Variants in RGSL1 observed in about 807,000 individuals in gnomAD.
The protein encoded by RGSL1 is regulator of G protein signaling like 1.
RGSL1 carries 97 observed loss-of-function variants against 124.7 expected under a neutral mutation model. That is an observed-to-expected ratio of 0.78 (90% CI 0.66 to 0.92). The LOEUF is 0.92. Ranked by LOEUF, RGSL1 falls within the 40% of genes least tolerant of loss-of-function variation. The pLI is 0.00. For missense variants in RGSL1, 1,233 were observed against 1,288.4 expected (o/e 0.96, Z 0.66); for synonymous variants, 424 against 438.1 (o/e 0.97, Z 0.40).
chr1:182,519,368 G>A (rs1002102285), intron 9 of RGSL1, among the ~76,000 whole-genome samples: 8 of 152,146 alleles, frequency 5.3e-5, no homozygotes, highest in African/African-American at 1.9e-4. Flanking sequence ...AATTCTTCTT[G>A]GAGTTGTTTT....
Position 182,548,341 on chromosome 1 carries a change from C to T in RGSL1, c.2694C>T (p.Ala898=). Residue 898 remains alanine (A), a synonymous_variant, in exon 16 of 22, where the codon GCC becomes GCT. Coordinates refer to ENST00000294854, the MANE Select transcript of RGSL1 (RefSeq NM_001137669.2). ...MEKFNDLVSS[A]HMLQVNRAYN... The stretch of plus-strand genomic sequence containing the variant: ...GATTTAATGATCTGGTCAGTTCAGC[C>T]CACATGCTGCAGGTCAACCGGGCAT... 10 of 1,551,988 alleles carry T rather than the reference C, an allele frequency of 6.4e-6. No homozygotes were observed. Among genetic ancestry groups the T allele is most frequent in the Non-Finnish European group, 8.7e-6 (10 of 1,147,034 alleles).
At chr1:182,454,113 T>C in intron 2 of RGSL1, 73 bp downstream of exon 2, 1 of 877,676 alleles carries the variant, frequency 1.1e-6, no homozygotes, top group South Asian at 1.5e-5. Context: ...GCTGAGTGAC[T>C]TTTTTTGTTT....
At chr1:182,538,325 C>T (rs116371397) in intron 14 of RGSL1, among the ~76,000 whole-genome samples, 11 of 151,924 alleles carry the variant, frequency 7.2e-5, no homozygotes, top group African/African-American at 2.2e-4. Context: ...GTCAGGTGTT[C>T]GAGACCAGCC....
intron 9 of RGSL1, among the ~76,000 whole-genome samples, chr1:182,501,507 C>T (rs1202461357): frequency 6.6e-6 from 1 of 151,374 alleles, no homozygotes; most frequent in Non-Finnish European, 1.5e-5. Context: ...TTATTAGAGA[C>T]GGGGTTTCAC....
intron 9 of RGSL1, among the ~76,000 whole-genome samples, chr1:182,502,436 C>A (rs1656465278): frequency 6.6e-6 from 1 of 152,130 alleles, no homozygotes; most frequent in African/African-American, 2.4e-5. Context: ...ATTAACCAGG[C>A]ACAATGGCAC....
At chr1:182,494,756 C>T (rs760095032) in intron 9 of RGSL1, among the ~76,000 whole-genome samples, 2 of 152,126 alleles carry the variant, frequency 1.3e-5, no homozygotes, top group Admixed American at 6.5e-5. Flanking sequence ...CCTGAGGTAT[C>T]GTCATTCTCC....
At chr1:182,470,369 C>T (rs1451314223) in intron 4 of RGSL1, among the ~76,000 whole-genome samples, 1 of 152,008 alleles carries the variant, frequency 6.6e-6, no homozygotes, top group Non-Finnish European at 1.5e-5. Flanking sequence ...TCATCTCTTC[C>T]TACTTCCCTC....
At chr1:182,525,065 C>T (rs1223305403) in intron 10 of RGSL1, among the ~76,000 whole-genome samples, 1 of 152,126 alleles carries the variant, frequency 6.6e-6, no homozygotes, top group Non-Finnish European at 1.5e-5. Flanking sequence ...GGGAGATATA[C>T]TCTACAGAAC....
At chr1:182,471,413 C>A in intron 4 of RGSL1, 1 of 456,466 alleles carries the variant, frequency 2.2e-6, no homozygotes, top group South Asian at 1.6e-5. Context: ...GTTCCTGGGG[C>A]TTTTGCAAGT....
At chr1:182,490,387 A>C (rs1186221332) in intron 8 of RGSL1, among the ~76,000 whole-genome samples, 1 of 152,198 alleles carries the variant, frequency 6.6e-6, no homozygotes, top group Non-Finnish European at 1.5e-5. Context: ...TGCTAAGTAA[A>C]TGGTACTTGT....
intron 14 of RGSL1, 88 bp downstream of exon 14, chr1:182,532,879 A>G (rs1659279639): frequency 2.1e-6 from 3 of 1,399,272 alleles, no homozygotes; most frequent in East Asian, 2.6e-5. Context: ...GCTTTGTGTC[A>G]TGCCTGCGGC....
At chr1:182,515,532 G>A (rs1410857299) in intron 9 of RGSL1, among the ~76,000 whole-genome samples, 5 of 97,268 alleles carry the variant, frequency 5.1e-5, no homozygotes, top group African/African-American at 2.1e-4. Context: ...AAAGAAAACA[G>A]TTTAAAGTAA....
chr1:182,476,084 C>T (rs756399811), intron 6 of RGSL1, among the ~76,000 whole-genome samples: 5 of 152,098 alleles, frequency 3.3e-5, no homozygotes, highest in Non-Finnish European at 5.9e-5. Context: ...GGCATGATTT[C>T]CAGTATATCA....
intron 18 of RGSL1, 103 bp from the exon 19 acceptor site, chr1:182,553,352 A>G: frequency 1.3e-6 from 1 of 776,082 alleles, no homozygotes; most frequent in Non-Finnish European, 2.1e-6. Flanking sequence ...AACATTTTGT[A>G]ATCTAAGTGT....
At chr1:182,553,652 A>C in intron 19 of RGSL1, 111 bp downstream of exon 19, 8 of 846,088 alleles carry the variant, frequency 9.5e-6, no homozygotes, top group Non-Finnish European at 1.5e-5. Flanking sequence ...GACCCCCAAA[A>C]TGTGAAGTAA....
chr1:182,464,886 A>C (rs1023791063), intron 4 of RGSL1, among the ~76,000 whole-genome samples: 1 of 152,134 alleles, frequency 6.6e-6, no homozygotes, highest in African/African-American at 2.4e-5. Flanking sequence ...CACAAGTTCA[A>C]GACCAGCCTG....
At chr1:182,453,826 T>A (rs1652047235) in intron 1 of RGSL1, 132 bp from the exon 2 acceptor site, 1 of 603,978 alleles carries the variant, frequency 1.7e-6, no homozygotes, top group Non-Finnish European at 3.0e-6. Context: ...CAAATTGAAT[T>A]GCATGACCCT....
In RGSL1 at chr1:182,489,147, C is replaced by T. The variant is rs951932670; in HGVS notation, c.1662C>T (p.Asp554=). Residue 554 remains aspartate, a synonymous_variant, in exon 8 of 22, where the codon GAC becomes GAT. Transcript: ENST00000294854. ...AGTGGCGAAAGATAGCTACTGAGGACCTGAAGCAAGGAGGCTCTCTCCAGG... is the reference window on the plus strand; with the variant it reads ...AGTGGCGAAAGATAGCTACTGAGGATCTGAAGCAAGGAGGCTCTCTCCAGG... ...YRQWRKIATE[D]LKQGGSLQVE... is the part of the protein sequence containing the mutation. 1 of 1,551,664 alleles carries T rather than the reference C, an allele frequency of 6.4e-7. No homozygotes were observed. Among genetic ancestry groups the T allele is most frequent in the Non-Finnish European group, 8.7e-7 (1 of 1,146,994 alleles).
chr1:182,540,164 TTTC>T (rs1291448767), intron 14 of RGSL1, 80 bp from the exon 15 acceptor site: 1 of 1,338,992 alleles, frequency 7.5e-7, no homozygotes, highest in Non-Finnish European at 1.0e-6. Context: ...CACAGTCTCC[TTTC>T]TTCTTTTTGT....
Sources: gnomAD v4.1 joint callset for allele counts (sites outside exome capture counted in the v4.1 genomes callset) on GRCh38, gnomAD v4.1.1 for gene constraint, MANE v1.5 for transcripts, NCBI Gene and HGNC (gene_info 2026-07-23, HGNC 2026-07-21) for gene names.